ARID2: variants seen among roughly 807,000 people sequenced by gnomAD.
ARID2 encodes AT-rich interaction domain 2.
A neutral mutation model predicts 184.6 loss-of-function variants in ARID2; 32 were observed. That is an observed-to-expected ratio of 0.17 (90% CI 0.13 to 0.23). The LOEUF (loss-of-function observed/expected upper bound fraction) is 0.23. Among genes scored for constraint, ARID2 ranks in the 10% least tolerant of loss-of-function variants. The pLI, the probability that ARID2 is intolerant of heterozygous loss-of-function variation, is 1.00. For synonymous variants in ARID2, 836 were observed against 772.6 expected, an observed-to-expected ratio of 1.08 and a Z score of -1.36; for missense variants, 1,696 against 2,197.6, an observed-to-expected ratio of 0.77 and a Z score of 4.56.
chr12:45,821,861 A>G (rs939273832), intron 6 of ARID2, among the ~76,000 whole-genome samples: 24 of 152,202 alleles, frequency 1.6e-4, no homozygotes, highest in African/African-American at 5.8e-4. Context: ...ATCCTCAAAA[A>G]GAATAGGTGT....
intron 3 of ARID2, among the ~76,000 whole-genome samples, chr12:45,796,297 GTATTCTTTTACACCAC>G (rs1472231332): frequency 6.6e-6 from 1 of 151,476 alleles, no homozygotes; most frequent in Non-Finnish European, 1.5e-5. Context: ...ATGTTATTAA[GTATTCTTTTACACCAC>G]TATTTTTACG....
intron 3 of ARID2, among the ~76,000 whole-genome samples, chr12:45,792,640 A>G (rs930979758): frequency 2.9e-4 from 44 of 152,234 alleles, no homozygotes; most frequent in Non-Finnish European, 5.0e-4. Context: ...AACTATGACA[A>G]TTATTAATTA....
At chr12:45,774,478 T>C (rs1020988673) in intron 3 of ARID2, among the ~76,000 whole-genome samples, 6 of 152,174 alleles carry the variant, frequency 3.9e-5, no homozygotes, top group African/African-American at 1.4e-4. Flanking sequence ...TTGAGGTTGG[T>C]AGGTCAACTT....
intron 11 of ARID2, among the ~76,000 whole-genome samples, chr12:45,842,590 C>G (rs1180354645): frequency 6.6e-6 from 1 of 151,918 alleles, no homozygotes; most frequent in African/African-American, 2.4e-5. Context: ...AACCCCATCT[C>G]TACTAAAAAT....
chr12:45,901,171 T>A, intron 20 of ARID2, among the ~76,000 whole-genome samples: 1 of 62,600 alleles, frequency 1.6e-5, no homozygotes, highest in East Asian at 5.1e-4. Flanking sequence ...TTTTTTTTTT[T>A]TTTTTTTTTT....
At chr12:45,863,508 G>A (rs907983146) in intron 16 of ARID2, among the ~76,000 whole-genome samples, 1 of 151,998 alleles carries the variant, frequency 6.6e-6, no homozygotes, top group African/African-American at 2.4e-5. Flanking sequence ...AATCTCTTGA[G>A]CCCAGGACTT....
At chr12:45,737,356 C>T (rs760995242) in intron 3 of ARID2, among the ~76,000 whole-genome samples, 5 of 151,934 alleles carry the variant, frequency 3.3e-5, no homozygotes, top group African/African-American at 1.2e-4. Flanking sequence ...CCCTCTCCCC[C>T]CGCCCTTTTT....
intron 20 of ARID2, among the ~76,000 whole-genome samples, chr12:45,900,522 A>G (rs1009183390): frequency 3.9e-5 from 6 of 152,152 alleles, no homozygotes; most frequent in African/African-American, 1.2e-4. Flanking sequence ...ACCTCTGTCA[A>G]ATTTTCATTT....
At chr12:45,826,239 T>C (rs1046516253) in intron 6 of ARID2, among the ~76,000 whole-genome samples, 2 of 152,136 alleles carry the variant, frequency 1.3e-5, no homozygotes, top group African/African-American at 4.8e-5. Flanking sequence ...ACACAGTTTT[T>C]TTACAAAACA....
chr12:45,785,503 T>C (rs1565595115), intron 3 of ARID2, among the ~76,000 whole-genome samples: 1 of 152,198 alleles, frequency 6.6e-6, no homozygotes, highest in East Asian at 1.9e-4. Flanking sequence ...AGCAATGAAC[T>C]ATGATTTAGA....
intron 16 of ARID2, among the ~76,000 whole-genome samples, chr12:45,891,503 ATGCT>A (rs1944301292): frequency 1.3e-5 from 2 of 152,210 alleles, no homozygotes; most frequent in Admixed American, 1.3e-4. Flanking sequence ...AATCTAGTAA[ATGCT>A]TGAGAAATTT....
At chr12:45,756,964 T>C (rs1218654663) in intron 3 of ARID2, among the ~76,000 whole-genome samples, 1 of 152,220 alleles carries the variant, frequency 6.6e-6, no homozygotes, top group Non-Finnish European at 1.5e-5. Context: ...CTTTTCATGG[T>C]ATTCACAGCA....
At chr12:45,765,847 C>A (rs551638328) in intron 3 of ARID2, among the ~76,000 whole-genome samples, 86 of 152,240 alleles carry the variant, frequency 5.6e-4, no homozygotes, top group Non-Finnish European at 1.0e-3. Flanking sequence ...CTCTGGCTAT[C>A]CCCAGGCAAC....
intron 16 of ARID2, among the ~76,000 whole-genome samples, chr12:45,882,417 A>G (rs1053624404): frequency 2.6e-5 from 4 of 152,204 alleles, no homozygotes; most frequent in African/African-American, 9.7e-5. Context: ...ACAGACACCA[A>G]CTTCACTATA....
intron 11 of ARID2, among the ~76,000 whole-genome samples, chr12:45,842,612 C>G (rs1405686224): frequency 6.6e-6 from 1 of 151,970 alleles, no homozygotes; most frequent in East Asian, 1.9e-4. Flanking sequence ...CAAAAATTAT[C>G]TGGGCATGAT....
intron 6 of ARID2, among the ~76,000 whole-genome samples, chr12:45,824,165 CA>C (rs1395310729): frequency 6.6e-5 from 10 of 152,018 alleles, no homozygotes; most frequent in African/African-American, 2.4e-4. Context: ...GAATGAAGGA[CA>C]AAAATATGAT....
intron 6 of ARID2, among the ~76,000 whole-genome samples, chr12:45,822,991 A>G (rs1351828841): frequency 2.6e-5 from 4 of 152,178 alleles, no homozygotes; most frequent in African/African-American, 4.8e-5. Flanking sequence ...TTTATAGACT[A>G]TTTTATCCAA....
chr12:45,855,121 ATCATTT>A (rs1943623506), intron 15 of ARID2, among the ~76,000 whole-genome samples: 1 of 152,186 alleles, frequency 6.6e-6, no homozygotes, highest in African/African-American at 2.4e-5. Flanking sequence ...CTATTAAATG[ATCATTT>A]TAGGACATTA....
intron 16 of ARID2, among the ~76,000 whole-genome samples, chr12:45,874,783 A>G (rs1450143838): frequency 6.6e-6 from 1 of 152,194 alleles, no homozygotes; most frequent in Non-Finnish European, 1.5e-5. Flanking sequence ...TGCCAGATCT[A>G]TCCATGGAAT....
Sources: gnomAD v4.1 joint callset for allele counts (sites outside exome capture counted in the v4.1 genomes callset) on GRCh38, gnomAD v4.1.1 for gene constraint, MANE v1.5 for transcripts, NCBI Gene and HGNC (gene_info 2026-07-23, HGNC 2026-07-21) for gene names.